Variants in GAP43 observed in about 807,000 individuals in gnomAD.
The protein encoded by GAP43 is neuromodulin.
GAP43 carries 6 observed loss-of-function variants against 18.6 expected under a neutral mutation model. That is an observed-to-expected ratio of 0.32 (90% CI 0.18 to 0.64). The LOEUF (loss-of-function observed/expected upper bound fraction) is 0.64, where lower values mean the gene tolerates loss of function less well. Ranked by LOEUF, GAP43 falls within the 30% of genes least tolerant of loss-of-function variation. GAP43 has a pLI of 0.78. For missense variants in GAP43, 292 were observed against 295.5 expected (o/e 0.99, Z 0.09); for synonymous variants, 115 against 111.4 (o/e 1.03, Z -0.20).
chr3:115,648,174 C>T (rs1708480374), intron 1 of GAP43, among the ~76,000 whole-genome samples: 1 of 152,034 alleles, frequency 6.6e-6, no homozygotes, highest in African/African-American at 2.4e-5. Context: ...TACTGTGGGC[C>T]CTTCTGCAGA....
intron 1 of GAP43, among the ~76,000 whole-genome samples, chr3:115,648,368 T>A (rs1708483139): frequency 6.6e-6 from 1 of 152,104 alleles, no homozygotes; most frequent in Non-Finnish European, 1.5e-5. Context: ...TTGGACACCA[T>A]CTTCAGCATT....
chr3:115,719,855 A>C, intron 2 of GAP43, among the ~76,000 whole-genome samples: 1 of 152,212 alleles, frequency 6.6e-6, no homozygotes, highest in East Asian at 1.9e-4. Flanking sequence ...GTTTCAGAGC[A>C]AATGAATTCT....
chr3:115,674,698 C>G (rs1215202389), intron 1 of GAP43, among the ~76,000 whole-genome samples: 1 of 152,046 alleles, frequency 6.6e-6, no homozygotes, highest in African/African-American at 2.4e-5. Context: ...TTTTTTAATT[C>G]AGATTTTGAA....
intron 1 of GAP43, among the ~76,000 whole-genome samples, chr3:115,637,128 T>A (rs1179842085): frequency 6.6e-6 from 1 of 152,054 alleles, no homozygotes; most frequent in Admixed American, 6.6e-5. Flanking sequence ...CAGTTCTCCA[T>A]GACCTGTTTT....
chr3:115,641,407 C>T (rs1287939878), intron 1 of GAP43, among the ~76,000 whole-genome samples: 2 of 151,256 alleles, frequency 1.3e-5, no homozygotes, highest in African/African-American at 4.9e-5. Flanking sequence ...TATACATACA[C>T]ACATAGGGGT....
At chr3:115,658,944 A>G (rs1242216516) in intron 1 of GAP43, 1 of 152,414 alleles carries the variant, frequency 6.6e-6, no homozygotes, top group East Asian at 1.9e-4. Flanking sequence ...GCTTCCGGGG[A>G]CTGAGCAGCC....
intron 1 of GAP43, among the ~76,000 whole-genome samples, chr3:115,643,547 G>A (rs1310807121): frequency 1.3e-5 from 2 of 152,072 alleles, no homozygotes; most frequent in Non-Finnish European, 2.9e-5. Flanking sequence ...TAGCCTGGGA[G>A]ATTTGCACTC....
chr3:115,676,910 T>C (rs1452567275), intron 2 of GAP43, among the ~76,000 whole-genome samples: 1 of 152,230 alleles, frequency 6.6e-6, no homozygotes, highest in East Asian at 1.9e-4. Context: ...TAGATAAATC[T>C]GCTTTAAAAA....
At chr3:115,709,040 T>C (rs986311485) in intron 2 of GAP43, among the ~76,000 whole-genome samples, 1 of 147,702 alleles carries the variant, frequency 6.8e-6, no homozygotes, top group South Asian at 2.2e-4. Flanking sequence ...CACTGAAAAA[T>C]CTTAAATGCT....
At chr3:115,663,712 TG>T in intron 1 of GAP43, 1 of 1,509,382 alleles carries the variant, frequency 6.6e-7, no homozygotes, top group Non-Finnish European at 8.8e-7. Context: ...AAGATAAAAT[TG>T]GACTGACAGC....
chr3:115,699,646 G>C lies in GAP43; in HGVS notation c.629-21148G>C, dbSNP rs750153036. Among the ~76,000 whole-genome samples the C allele has an allele frequency of 8.5e-5, 13 of 152,312 alleles. No homozygotes were observed. In the East Asian group the frequency reaches 2.5e-3, roughly 29 times the overall value. ...GGCCATTAAAGGAAGAGGGGGATGA[G>C]AGAGGGTGAAAACCCCCAACTTGCT... On this transcript the variant is annotated intron_variant, in intron 2 of 2. Coordinates refer to ENST00000305124, the MANE Select transcript of GAP43 (RefSeq NM_002045.4).
At chr3:115,645,646 A>C (rs1708450545) in intron 1 of GAP43, among the ~76,000 whole-genome samples, 2 of 151,702 alleles carry the variant, frequency 1.3e-5, no homozygotes, top group Non-Finnish European at 2.9e-5. Flanking sequence ...AAGTCCCCAA[A>C]CCCCTTAATA....
At chr3:115,675,945 G>T in intron 1 of GAP43, 68 bp from the exon 2 acceptor site, 1 of 1,526,476 alleles carries the variant, frequency 6.6e-7, no homozygotes, top group South Asian at 1.4e-5. Context: ...AATACTTGTT[G>T]AATGCTGAGA....
chr3:115,657,709 T>C (rs906798433), intron 1 of GAP43, among the ~76,000 whole-genome samples: 6 of 152,098 alleles, frequency 3.9e-5, no homozygotes, highest in African/African-American at 1.4e-4. Context: ...CAATGTAACA[T>C]ATATTAATAA....
In GAP43 at chr3:115,623,685, C is replaced by A; in HGVS notation, c.-5C>A. 6.2e-7 allele frequency: 1 copy of A among 1,614,154 alleles called. No homozygotes were observed. Among genetic ancestry groups the A allele is most frequent in the Non-Finnish European group, 8.5e-7 (1 of 1,179,994 alleles). On this transcript the variant is annotated 5_prime_UTR_variant, in exon 1 of 3. Transcript: ENST00000305124. The stretch of plus-strand genomic sequence containing the variant: ...GGCAGGAAGAAGGCAAGGGACGAGA[C>A]AACCATGCTGTGCTGTATGAGAAGA...
chr3:115,634,088 A>G (rs977924989), intron 1 of GAP43, among the ~76,000 whole-genome samples: 2 of 152,214 alleles, frequency 1.3e-5, no homozygotes, highest in Non-Finnish European at 2.9e-5. Context: ...CTATTCAAAA[A>G]TGTTATTTTA....
At chr3:115,675,379 G>C (rs1197186336) in intron 1 of GAP43, among the ~76,000 whole-genome samples, 1 of 152,108 alleles carries the variant, frequency 6.6e-6, no homozygotes, top group African/African-American at 2.4e-5. Flanking sequence ...TTGTAAATGT[G>C]ATTTGAGTTG....
chr3:115,702,816 T>C (rs1709312660), intron 2 of GAP43, among the ~76,000 whole-genome samples: 1 of 152,162 alleles, frequency 6.6e-6, no homozygotes, highest in South Asian at 2.1e-4. Flanking sequence ...TATCTGTATC[T>C]ATTTTTGTCA....
intron 1 of GAP43, among the ~76,000 whole-genome samples, chr3:115,671,346 C>T (rs745818043): frequency 6.6e-4 from 100 of 152,286 alleles, no homozygotes; most frequent in Non-Finnish European, 1.0e-3. Context: ...CAATTAAAAT[C>T]ATTGTTCATT....
Sources: gnomAD v4.1 joint callset for allele counts (sites outside exome capture counted in the v4.1 genomes callset) on GRCh38, gnomAD v4.1.1 for gene constraint, MANE v1.5 for transcripts, NCBI Gene and HGNC (gene_info 2026-07-23, HGNC 2026-07-21) for gene names.